Variants in POMT2 observed in about 807,000 individuals in gnomAD.
POMT2 encodes the protein protein O-mannosyltransferase 2, also known as protein O-mannosyl-transferase 2.
POMT2 carries 75 observed loss-of-function variants against 100.0 expected under a neutral mutation model. That is an observed-to-expected ratio of 0.75 (90% CI 0.62 to 0.91). The LOEUF (loss-of-function observed/expected upper bound fraction) is 0.91, where lower values mean the gene tolerates loss of function less well. Ranked by LOEUF, POMT2 falls within the 40% of genes least tolerant of loss-of-function variation. The pLI is 0.00. For missense variants in POMT2, 940 were observed against 955.1 expected, an observed-to-expected ratio of 0.98 and a Z score of 0.21; for synonymous variants, 378 against 374.1, an observed-to-expected ratio of 1.01 and a Z score of -0.12.
chr14:77,308,627 A>T, intron 2 of POMT2: 1 of 341,884 alleles, frequency 2.9e-6, no homozygotes, highest in Non-Finnish European at 5.7e-6. Flanking sequence ...ATGTGCTGGG[A>T]TTACAGGCGT....
At chr14:77,282,144 A>G (rs1292338277) in intron 15 of POMT2, among the ~76,000 whole-genome samples, 1 of 152,236 alleles carries the variant, frequency 6.6e-6, no homozygotes, top group Non-Finnish European at 1.5e-5. Flanking sequence ...TTCAAATTGT[A>G]CAGTTTGGTC....
intron 15 of POMT2, 143 bp from the exon 16 acceptor site, chr14:77,280,606 C>T (rs1421361606): frequency 6.6e-7 from 1 of 1,512,978 alleles, no homozygotes. Context: ...AAGAATCAGG[C>T]AGCTGCTGTC....
At chr14:77,304,494 A>G (rs1038351664) in intron 4 of POMT2, among the ~76,000 whole-genome samples, 198 bp downstream of exon 4, 1 of 152,330 alleles carries the variant, frequency 6.6e-6, no homozygotes, top group South Asian at 2.1e-4. Flanking sequence ...CCCTCCAATA[A>G]TATAAAGGCT....
intron 5 of POMT2, among the ~76,000 whole-genome samples, chr14:77,302,154 C>T (rs773238871): frequency 9.2e-5 from 14 of 152,152 alleles, no homozygotes; most frequent in African/African-American, 9.7e-5. Flanking sequence ...GAAAAGCCTA[C>T]GAGGGGCCAA....
intron 6 of POMT2, chr14:77,300,854 T>G: frequency 1.9e-6 from 1 of 534,434 alleles, no homozygotes. Flanking sequence ...ATAAAACAAA[T>G]GCAAAAAGAG....
intron 18 of POMT2, chr14:77,279,306 G>C: frequency 2.7e-6 from 1 of 368,662 alleles, no homozygotes; most frequent in Non-Finnish European, 5.2e-6. Flanking sequence ...AAAAGGGCCT[G>C]TGTGACTGTC....
At position 77,311,958 on chromosome 14, in the gene POMT2, G is replaced by A. The variant is rs367708173; in HGVS notation, c.324C>T (p.Pro108=). ...NRTFFFDVHP[P]LGKMLIGLAG... ...TCACCACACTGCTCACCTTTCCCAGGGGCGGGTGCACATCAAAGAAAAATG... is the reference window on the plus strand; with the variant it reads ...TCACCACACTGCTCACCTTTCCCAGAGGCGGGTGCACATCAAAGAAAAATG... Residue 108 remains proline (P), a synonymous_variant, in exon 2 of 21, where the codon CCC becomes CCT. Transcript: ENST00000261534. 10 of 1,613,914 alleles carry A rather than the reference G, an allele frequency of 6.2e-6. No individual in the cohort carries two copies. Among genetic ancestry groups the A allele is most frequent in the Non-Finnish European group, 8.5e-6 (10 of 1,179,956 alleles).
chr14:77,279,036 C>T (rs779439609), intron 18 of POMT2, 167 bp from the exon 19 acceptor site: 17 of 932,374 alleles, frequency 1.8e-5, no homozygotes, highest in East Asian at 2.7e-5. Context: ...AGCTGGGGCT[C>T]GAGAGCTCTG....
Position 77,298,602 on chromosome 14 carries a change from C to T in POMT2, c.1006+87G>A. 6 of 1,439,770 alleles carry T rather than the reference C, an allele frequency of 4.2e-6. No homozygotes were observed. In the South Asian group the frequency reaches 6.0e-5, roughly 14 times the overall value. 89.2% of individuals were successfully genotyped at this position (1,439,770 alleles called of 1,614,324 possible). On this transcript the variant is annotated intron_variant, in intron 8 of 20. Coordinates refer to ENST00000261534, the MANE Select transcript of POMT2 (RefSeq NM_013382.7). ...ACCGTGCCATCACAGGCTAAAATAACCCAAAGCCATCATATTTGTCTTTTC... is the reference window on the plus strand; with the variant it reads ...ACCGTGCCATCACAGGCTAAAATAATCCAAAGCCATCATATTTGTCTTTTC...
At chr14:77,277,536 G>A (rs1315249457) in intron 20 of POMT2, 55 bp from the exon 21 acceptor site, 4 of 1,340,860 alleles carry the variant, frequency 3.0e-6, no homozygotes, top group African/African-American at 2.9e-5. Context: ...TCAGCTGAGG[G>A]GCTTTGAATT....
At chr14:77,280,357 C>T in intron 16 of POMT2, 35 bp downstream of exon 16, 2 of 1,613,952 alleles carry the variant, frequency 1.2e-6, no homozygotes, top group Admixed American at 1.7e-5. Context: ...TTCTTGGCTC[C>T]ATTTCCTGGG....
Position 77,280,503 on chromosome 14 carries a change from T to C in POMT2, c.1654-40A>G, listed in dbSNP as rs745765475. On this transcript the variant is annotated intron_variant, in intron 15 of 20. Transcript: ENST00000261534. ...CAAAGAAAGCTAGTCAAGACAGAGA[T>C]CTAGAGGGCTGACAGAAATGTGGGG... is the stretch of plus-strand genomic sequence containing the variant. 2.5e-6 allele frequency: 4 copies of C among 1,613,860 alleles called. No individual in the cohort carries two copies. The South Asian group carries it at 3.3e-5, about 13-fold the overall frequency.
At chr14:77,287,063 G>C in intron 11 of POMT2, 1 of 701,044 alleles carries the variant, frequency 1.4e-6, no homozygotes. Context: ...GGCATGCCAA[G>C]AAAGGGGCTA....
intron 9 of POMT2, among the ~76,000 whole-genome samples, chr14:77,295,493 G>A (rs1215906375): frequency 5.3e-5 from 8 of 152,002 alleles, no homozygotes; most frequent in Non-Finnish European, 1.0e-4. Context: ...TTAGCCAGGC[G>A]TGGTGGCGGG....
At chr14:77,299,966 C>A (rs536001128) in intron 6 of POMT2, 1 of 285,188 alleles carries the variant, frequency 3.5e-6, no homozygotes, top group Non-Finnish European at 6.9e-6. Flanking sequence ...CTTAACTTCG[C>A]GGCTTCCTTC....
chr14:77,296,071 G>T, intron 9 of POMT2, 93 bp downstream of exon 9: 1 of 1,032,016 alleles, frequency 9.7e-7, no homozygotes, highest in Non-Finnish European at 1.5e-6. Flanking sequence ...TTCAAGCAGG[G>T]CGAACAGGAT....
rs569143920 is a variant in POMT2, at chr14:77,276,124, G to T, written c.*1252C>A. 28 of 152,708 alleles carry T rather than the reference G, an allele frequency of 1.8e-4. No homozygotes were observed. The highest frequency in any genetic ancestry group is 4.6e-4 in the African/African-American group (19 of 41,574). The allele number at this position is 152,708 out of a possible 1,614,324, so 9.5% of individuals were successfully genotyped here. On this transcript the variant is annotated 3_prime_UTR_variant, in exon 21 of 21. Coordinates refer to ENST00000261534, the MANE Select transcript of POMT2 (RefSeq NM_013382.7). ...TCATGCACCAGGAAGGTGGAGGCAGGCTTAAGGGCTGGCCTTGGGTGGTTT... is the reference window on the plus strand; with the variant it reads ...TCATGCACCAGGAAGGTGGAGGCAGTCTTAAGGGCTGGCCTTGGGTGGTTT...
intron 2 of POMT2, among the ~76,000 whole-genome samples, chr14:77,307,356 T>G (rs1394535658): frequency 1.3e-5 from 2 of 152,210 alleles, no homozygotes; most frequent in Non-Finnish European, 2.9e-5. Flanking sequence ...CCAACCCACT[T>G]TTTTCTCTAA....
chr14:77,279,093 C>G, intron 18 of POMT2: 1 of 634,168 alleles, frequency 1.6e-6, no homozygotes, highest in South Asian at 1.8e-5. Context: ...GCAGGTGCAC[C>G]AAGCACCAGC....
Sources: gnomAD v4.1 joint callset for allele counts (sites outside exome capture counted in the v4.1 genomes callset) on GRCh38, gnomAD v4.1.1 for gene constraint, MANE v1.5 for transcripts, NCBI Gene and HGNC (gene_info 2026-07-23, HGNC 2026-07-21) for gene names.